CLDN20: variants seen among roughly 807,000 people sequenced by gnomAD.
CLDN20 encodes the protein claudin 20, also known as claudin-20.
For synonymous variants in CLDN20, 104 were observed against 103.6 expected, an observed-to-expected ratio of 1.00 and a Z score of -0.03; for missense variants, 258 against 267.9, an observed-to-expected ratio of 0.96 and a Z score of 0.26.
At chr6:155,274,477 G>A (rs879744680) in intron 1 of CLDN20, among the ~76,000 whole-genome samples, 1 of 152,188 alleles carries the variant, frequency 6.6e-6, no homozygotes, top group African/African-American at 2.4e-5. Context: ...AACTAATGAT[G>A]TGGTTATTTC....
intron 1 of CLDN20, among the ~76,000 whole-genome samples, chr6:155,267,481 G>T (rs530430726): frequency 6.6e-6 from 1 of 152,332 alleles, no homozygotes; most frequent in African/African-American, 2.4e-5. Context: ...TTAGAGAAAT[G>T]TTATGTGTTG....
chr6:155,264,978 G>T (rs1784558420), intron 1 of CLDN20, among the ~76,000 whole-genome samples: 1 of 152,224 alleles, frequency 6.6e-6, no homozygotes, highest in African/African-American at 2.4e-5. Context: ...GACAATTGTT[G>T]TATAAAGGTT....
rs1251170844 is a variant in CLDN20 at position 155,275,518 on chromosome 6, G to A, written c.-104-98G>A. ...CTCATCTGCTTGGGGGCTGGAGAAG[G>A]GGGATACTCAGATGTGTTCTTGGCT... On this transcript the variant is annotated intron_variant, in intron 1 of 1. Coordinates refer to ENST00000367165, the MANE Select transcript of CLDN20 (RefSeq NM_001001346.3). 6 of 552,116 alleles carry A rather than the reference G, an allele frequency of 1.1e-5. No individual in the cohort carries two copies. In the South Asian group the frequency reaches 1.4e-4, roughly 13 times the overall value. The allele number at this position is 552,116 out of a possible 1,614,324, so 34.2% of individuals were successfully genotyped here.
At chr6:155,267,790 A>T (rs1485160964) in intron 1 of CLDN20, among the ~76,000 whole-genome samples, 1 of 152,242 alleles carries the variant, frequency 6.6e-6, no homozygotes, top group Non-Finnish European at 1.5e-5. Context: ...ATCAACCTTC[A>T]CACAGCCAAG....
chr6:155,275,210 A>G (rs879581968), intron 1 of CLDN20, among the ~76,000 whole-genome samples: 1 of 152,310 alleles, frequency 6.6e-6, no homozygotes, highest in Non-Finnish European at 1.5e-5. Flanking sequence ...TGGGTGACAG[A>G]GTGAGACTCC....
intron 1 of CLDN20, among the ~76,000 whole-genome samples, chr6:155,269,806 T>A (rs1343101725): frequency 6.6e-6 from 1 of 152,254 alleles, no homozygotes; most frequent in Non-Finnish European, 1.5e-5. Context: ...GAAATAAAAT[T>A]GTATTTTTAA....
At chr6:155,266,952 T>C (rs1040195501) in intron 1 of CLDN20, among the ~76,000 whole-genome samples, 1 of 147,328 alleles carries the variant, frequency 6.8e-6, no homozygotes, top group African/African-American at 2.5e-5. Context: ...GGAAGAGAAC[T>C]CTAGAATACT....
intron 1 of CLDN20, among the ~76,000 whole-genome samples, chr6:155,269,475 C>CT (rs1784827577): frequency 6.6e-6 from 1 of 152,030 alleles, no homozygotes; most frequent in Non-Finnish European, 1.5e-5. Flanking sequence ...GCATGTGCCA[C>CT]TACGCCTGGC....
In CLDN20 at chr6:155,276,483, G is replaced by A; in HGVS notation, c.*104G>A. ...CTTAACTTTCCCTACAAAGAAAGTA[G>A]AATGTAAAATACTTTAACAACTACA... On this transcript the variant is annotated 3_prime_UTR_variant, in exon 2 of 2. Transcript: ENST00000367165. The A allele has an allele frequency of 1.9e-6, 2 of 1,054,768 alleles. No homozygotes were observed. Among genetic ancestry groups the A allele is most frequent in the Non-Finnish European group, 2.7e-6 (2 of 733,394 alleles). 65.3% of individuals were successfully genotyped at this position (1,054,768 alleles called of 1,614,324 possible).
intron 1 of CLDN20, among the ~76,000 whole-genome samples, chr6:155,267,275 G>A (rs1190460102): frequency 3.9e-5 from 6 of 152,212 alleles, no homozygotes; most frequent in East Asian, 3.9e-4. Flanking sequence ...ACACCTGGCC[G>A]TAGAATATGG....
chr6:155,271,473 C>T (rs1175806445), intron 1 of CLDN20, among the ~76,000 whole-genome samples: 1 of 152,138 alleles, frequency 6.6e-6, no homozygotes, highest in African/African-American at 2.4e-5. Context: ...ACCACACACA[C>T]AAAAATACCT....
chr6:155,265,736 ATT>A (rs1311841787), intron 1 of CLDN20, among the ~76,000 whole-genome samples: 1 of 140,706 alleles, frequency 7.1e-6, no homozygotes, highest in African/African-American at 2.7e-5. Context: ...ATAAATATAT[ATT>A]ATATATAATA....
intron 1 of CLDN20, among the ~76,000 whole-genome samples, chr6:155,269,417 G>C (rs1328218251): frequency 2.0e-5 from 3 of 149,350 alleles, no homozygotes; most frequent in Non-Finnish European, 4.4e-5. Flanking sequence ...CGTCTGCTGG[G>C]TTCAAGCGAT....
In CLDN20 at chr6:155,276,049, C is replaced by G. The variant is rs1562398751; in HGVS notation, c.330C>G (p.Asp110Glu). The change falls in exon 2 of 2, where the codon GAC becomes GAG. Residue 110 changes from aspartate to glutamate, a missense_variant. Asp to Glu is a conservative substitution (Grantham distance 45, BLOSUM62 2). Transcript: ENST00000367165. Reference protein sequence around the residue: ...VGMKCTRLGGDRETKSHASFA... With the variant: ...VGMKCTRLGGERETKSHASFA... ...TGAAATGTACTCGCTTAGGAGGGGA[C>G]AGAGAAACCAAGAGCCATGCTTCCT... is the stretch of plus-strand genomic sequence containing the variant. 6.2e-7 allele frequency: 1 copy of G among 1,614,110 alleles called. No individual in the cohort carries two copies. The highest frequency in any genetic ancestry group is 1.7e-5 in the Admixed American group (1 of 60,016).
In CLDN20 at chr6:155,275,837, A is replaced by G. The variant is rs1016926973; in HGVS notation, c.118A>G (p.Ile40Val). The change falls in exon 2 of 2, where the codon ATC becomes GTC. Residue 40 changes from isoleucine (I) to valine (V), a missense_variant. Coordinates refer to ENST00000367165, the MANE Select transcript of CLDN20 (RefSeq NM_001001346.3). The part of the protein sequence containing the change: ...WKVNVDVDSN[I>V]ITAIVQLHGL... ...GGTGAATGTGGATGTGGACTCCAACATCATAACAGCCATTGTACAGCTGCA... is the reference window on the plus strand; with the variant it reads ...GGTGAATGTGGATGTGGACTCCAACGTCATAACAGCCATTGTACAGCTGCA... 1.9e-6 allele frequency: 3 copies of G among 1,614,128 alleles called. No individual in the cohort carries two copies. The highest frequency in any genetic ancestry group is 2.7e-5 in the African/African-American group (2 of 75,010).
At chr6:155,267,263 C>G (rs1359284565) in intron 1 of CLDN20, among the ~76,000 whole-genome samples, 1 of 152,216 alleles carries the variant, frequency 6.6e-6, no homozygotes, top group Non-Finnish European at 1.5e-5. Context: ...GCATGAGCCA[C>G]CACACCTGGC....
chr6:155,275,814 T>G lies in CLDN20; in HGVS notation c.95T>G (p.Val32Gly). 5.0e-6 allele frequency: 8 copies of G among 1,614,012 alleles called. No individual in the cohort carries two copies. The highest frequency in any genetic ancestry group is 5.9e-6 in the Non-Finnish European group (7 of 1,179,980). Residue 32 changes from valine to glycine, a missense_variant, in exon 2 of 2, where the codon GTG becomes GGG. Physicochemically the swap from Val to Gly is moderately radical, Grantham distance 109 (BLOSUM62 -3). Coordinates refer to ENST00000367165, the MANE Select transcript of CLDN20 (RefSeq NM_001001346.3). ...LTATLLPNWKVNVDVDSNIIT... is the reference protein window; with the variant it reads ...LTATLLPNWKGNVDVDSNIIT... ...GCCACTCTGCTGCCCAACTGGAAGG[T>G]GAATGTGGATGTGGACTCCAACATC... is the stretch of plus-strand genomic sequence containing the variant.
intron 1 of CLDN20, among the ~76,000 whole-genome samples, chr6:155,273,271 A>C (rs1464162412): frequency 6.6e-6 from 1 of 152,246 alleles, no homozygotes; most frequent in Non-Finnish European, 1.5e-5. Flanking sequence ...TGATGTCTAC[A>C]GATAAGTCTG....
Position 155,266,846 on chromosome 6 carries a change from CAAAAAAAAAAAAA to C in CLDN20, c.-105+2572_-105+2584del, listed in dbSNP as rs1213939199. 9.5e-5 allele frequency among the ~76,000 whole-genome samples: 6 copies of C among 62,832 alleles called. No homozygotes were observed. The Admixed American group carries it at 1.4e-3, about 14-fold the overall frequency. The allele number at this position is 62,832 out of a possible 152,430, so 41.2% of individuals were successfully genotyped here. A position where few individuals can be genotyped will look rare whatever the true frequency, so the allele number is the denominator to read the frequency against. ...TGGGCGACAGAGCGAGACTCCGTCT[CAAAAAAAAAAAAA>C]AAAAAAAAAAAAAGAATGACCAAAT... On this transcript the variant is annotated intron_variant, in intron 1 of 1. Coordinates refer to ENST00000367165, the MANE Select transcript of CLDN20 (RefSeq NM_001001346.3).
Sources: gnomAD v4.1 joint callset for allele counts (sites outside exome capture counted in the v4.1 genomes callset) on GRCh38, gnomAD v4.1.1 for gene constraint, MANE v1.5 for transcripts, NCBI Gene and HGNC (gene_info 2026-07-23, HGNC 2026-07-21) for gene names.